ABHD3: variants seen among roughly 807,000 people sequenced by gnomAD.
ABHD3 encodes phospholipase ABHD3.
ABHD3 carries 46 observed loss-of-function variants against 48.8 expected under a neutral mutation model. The ratio of observed to expected loss-of-function variants is 0.94; its 90% CI spans 0.74 to 1.20. ABHD3 has a LOEUF of 1.20. ABHD3 is among the 50% of genes most tolerant of loss of function. ABHD3 has a pLI of 0.00. For synonymous variants in ABHD3, 192 were observed against 183.7 expected, an observed-to-expected ratio of 1.04 and a Z score of -0.36; for missense variants, 490 against 497.8, an observed-to-expected ratio of 0.98 and a Z score of 0.15.
At chr18:21,686,203 C>T (rs2040125814) in intron 3 of ABHD3, among the ~76,000 whole-genome samples, 1 of 152,202 alleles carries the variant, frequency 6.6e-6, no homozygotes, top group Admixed American at 6.5e-5. Context: ...TCAGTGACTC[C>T]TTTATCTTTT....
rs772523934 is a variant in ABHD3 at position 21,653,077 on chromosome 18, A to AAAAAAAAAAG, written c.1058-1315_1058-1314insCTTTTTTTTT. On this transcript the variant is annotated intron_variant, in intron 8 of 8. Transcript: ENST00000289119. ...CAAAAAAAAAAAAAAAAAAAAAAAA[A>AAAAAAAAAAG]AAAGAGCTGGGTGTGGTGGCTCACG... Among the ~76,000 whole-genome samples the AAAAAAAAAAG allele has an allele frequency of 1.5e-3, 117 of 76,146 alleles. 32 individuals are homozygous for AAAAAAAAAAG. The highest frequency in any genetic ancestry group is 5.3e-3 in the African/African-American group (75 of 14,274). 50.0% of individuals were successfully genotyped at this position (76,146 alleles called of 152,430 possible). A position where few individuals can be genotyped will look rare whatever the true frequency, so the allele number is the denominator to read the frequency against.
intron 5 of ABHD3, among the ~76,000 whole-genome samples, chr18:21,662,589 T>A (rs1271959441): frequency 6.6e-6 from 1 of 152,188 alleles, no homozygotes; most frequent in Non-Finnish European, 1.5e-5. Flanking sequence ...CATGGGGCAC[T>A]GGGCATAAGG....
intron 3 of ABHD3, among the ~76,000 whole-genome samples, chr18:21,690,371 G>A (rs945856448): frequency 4.6e-5 from 7 of 152,198 alleles, no homozygotes; most frequent in African/African-American, 1.4e-4. Flanking sequence ...GGAGGCCGGG[G>A]CAGGCAAATC....
At chr18:21,679,958 G>A (rs893679867) in intron 4 of ABHD3, among the ~76,000 whole-genome samples, 1 of 152,156 alleles carries the variant, frequency 6.6e-6, no homozygotes. Context: ...ACAGGCATGA[G>A]CCACTGTGCC....
At chr18:21,676,167 G>C (rs568818224) in intron 4 of ABHD3, among the ~76,000 whole-genome samples, 1 of 151,998 alleles carries the variant, frequency 6.6e-6, no homozygotes, top group Non-Finnish European at 1.5e-5. Flanking sequence ...ACAAACATTG[G>C]GTCTACAACA....
intron 4 of ABHD3, among the ~76,000 whole-genome samples, chr18:21,676,167 G>A (rs568818224): frequency 6.6e-6 from 1 of 152,116 alleles, no homozygotes; most frequent in Non-Finnish European, 1.5e-5. Context: ...ACAAACATTG[G>A]GTCTACAACA....
At chr18:21,677,251 G>A (rs1458548435) in intron 4 of ABHD3, among the ~76,000 whole-genome samples, 1 of 151,978 alleles carries the variant, frequency 6.6e-6, no homozygotes, top group African/African-American at 2.4e-5. Context: ...CTGGCGTGCA[G>A]TGGCACAATC....
At position 21,661,102 on chromosome 18, in the gene ABHD3, T is replaced by TAAAAAAAAAAAA. The variant is rs35710540; in HGVS notation, c.669-1771_669-1760dup. Among the ~76,000 whole-genome samples the TAAAAAAAAAAAA allele has an allele frequency of 5.2e-5, 3 of 57,226 alleles. 1 individual carries two copies. The highest frequency in any genetic ancestry group is 2.1e-4 in the Admixed American group (1 of 4,654). The allele number at this position is 57,226 out of a possible 152,430, so 37.5% of individuals were successfully genotyped here. Reference sequence around the variant, plus strand: ...TCACCAAAAGAAAAAAACTACAAGCTAAAAAAAAAAAAAAAAAAAAAAAAG... The same window carrying TAAAAAAAAAAAA: ...TCACCAAAAGAAAAAAACTACAAGCTAAAAAAAAAAAAAAAAAAAAAAAAAAAAAAAAAAAAG... On this transcript the variant is annotated intron_variant, in intron 5 of 8. Transcript: ENST00000289119.
rs192041411 is a variant in ABHD3 at position 21,679,694 on chromosome 18, A to G, written c.555+4226T>C. ...TAGGCATGTGCCACCATGCCCGGCT[A>G]TTTTGTATTTTTAGTAGAGACAGAA... On this transcript the variant is annotated intron_variant, in intron 4 of 8. Transcript: ENST00000289119. Among the ~76,000 whole-genome samples the G allele has an allele frequency of 3.4e-3, 512 of 149,882 alleles. 11 individuals carry two copies. The highest frequency in any genetic ancestry group is 0.031 in the Admixed American group (466 of 15,016).
intron 3 of ABHD3, among the ~76,000 whole-genome samples, chr18:21,685,845 G>A (rs191176823): frequency 6.6e-6 from 1 of 152,256 alleles, no homozygotes; most frequent in East Asian, 1.9e-4. Context: ...TAACAGGCAC[G>A]TGCCACCACG....
At chr18:21,666,116 C>T (rs2039620318) in intron 4 of ABHD3, among the ~76,000 whole-genome samples, 1 of 152,208 alleles carries the variant, frequency 6.6e-6, no homozygotes, top group African/African-American at 2.4e-5. Context: ...ACTAGTACCC[C>T]TCTGCCTCCT....
At chr18:21,698,212 G>A (rs1363381673) in intron 3 of ABHD3, among the ~76,000 whole-genome samples, 8 of 150,932 alleles carry the variant, frequency 5.3e-5, no homozygotes, top group Non-Finnish European at 1.2e-4. Context: ...TTGAGATGGA[G>A]TTTTGCTCTG....
intron 2 of ABHD3, among the ~76,000 whole-genome samples, chr18:21,703,154 T>C (rs1468140142): frequency 1.3e-5 from 2 of 150,154 alleles, no homozygotes; most frequent in South Asian, 2.1e-4. Flanking sequence ...TGCCTGTCAA[T>C]AGGAAGTCAT....
At chr18:21,702,580 T>A in intron 2 of ABHD3, 82 bp from the exon 3 acceptor site, 19 of 1,215,732 alleles carry the variant, frequency 1.6e-5, no homozygotes, top group Non-Finnish European at 2.1e-5. Flanking sequence ...CATGACATTA[T>A]TTGCTCATCA....
intron 5 of ABHD3, among the ~76,000 whole-genome samples, chr18:21,660,433 T>C (rs544296937): frequency 6.6e-6 from 1 of 152,294 alleles, no homozygotes; most frequent in African/African-American, 2.4e-5. Context: ...TCCTAACACA[T>C]ATTTTCTTCT....
chr18:21,689,051 A>C (rs1270688286), intron 3 of ABHD3, among the ~76,000 whole-genome samples: 2 of 152,232 alleles, frequency 1.3e-5, no homozygotes, highest in Non-Finnish European at 2.9e-5. Flanking sequence ...CCATGGAATA[A>C]TAACTATACA....
intron 3 of ABHD3, among the ~76,000 whole-genome samples, chr18:21,698,438 C>A (rs548070903): frequency 1.3e-5 from 2 of 151,528 alleles, no homozygotes; most frequent in African/African-American, 2.4e-5. Flanking sequence ...CTGCCCACGT[C>A]GGCCTCCCAG....
At chr18:21,651,928 T>C (rs1486595983) in intron 8 of ABHD3, among the ~76,000 whole-genome samples, 165 bp from the exon 9 acceptor site, 3 of 152,148 alleles carry the variant, frequency 2.0e-5, no homozygotes. Context: ...ATGGAATGAG[T>C]CTACCTTATA....
Position 21,702,364 on chromosome 18 carries a change from TC to T in ABHD3, c.460del (p.Glu154SerfsTer7), listed in dbSNP as rs2040531933. 1 of 1,613,736 alleles carries T rather than the reference TC, an allele frequency of 6.2e-7. No homozygotes were observed. Among genetic ancestry groups the T allele is most frequent in the African/African-American group, 1.3e-5 (1 of 74,918 alleles). On this transcript the variant is annotated frameshift_variant, in exon 3 of 9. Transcript: ENST00000289119. LOFTEE classifies it high-confidence loss of function. The part of the protein sequence containing the change: ...LLPGLTGTSK[E>X]SYILHMIHLS... ...ATGGATCATATGAAGGATATATGAC[TC>T]CTTGCTTGTTCCCGTGAGGCCAGGC...
Sources: allele counts gnomAD v4.1 joint callset (sites outside exome capture counted in the v4.1 genomes callset), GRCh38; gene constraint gnomAD v4.1.1; transcripts MANE v1.5; gene names NCBI Gene and HGNC (gene_info 2026-07-23, HGNC 2026-07-21).